Variants in OSBPL1A observed in about 807,000 individuals in gnomAD.
OSBPL1A encodes the protein oxysterol binding protein like 1A, also known as oxysterol-binding protein-related protein 1.
In OSBPL1A, 80 loss-of-function variants were observed where a neutral mutation model predicts 137.1. That is an observed-to-expected ratio of 0.58 (90% CI 0.49 to 0.70). The LOEUF (loss-of-function observed/expected upper bound fraction) is 0.70, where lower values mean the gene tolerates loss of function less well. OSBPL1A is among the 30% of genes least tolerant of loss of function. OSBPL1A has a pLI of 0.00. For synonymous variants in OSBPL1A, 365 were observed against 389.7 expected, an observed-to-expected ratio of 0.94 and a Z score of 0.75; for missense variants, 970 against 1,129.4, an observed-to-expected ratio of 0.86 and a Z score of 2.02.
chr18:24,364,201 T>A (rs150817436), intron 4 of OSBPL1A, among the ~76,000 whole-genome samples: 1 of 152,134 alleles, frequency 6.6e-6, no homozygotes, highest in African/African-American at 2.4e-5. Context: ...ACAAAAGAAC[T>A]GGAGTAGGAG....
chr18:24,385,792 C>T (rs900315020), intron 1 of OSBPL1A, among the ~76,000 whole-genome samples: 14 of 152,156 alleles, frequency 9.2e-5, no homozygotes, highest in Admixed American at 9.2e-4. Flanking sequence ...AAGGAGACTG[C>T]ACCAGACTCC....
chr18:24,295,597 G>T (rs955206255), intron 14 of OSBPL1A, among the ~76,000 whole-genome samples: 1 of 152,114 alleles, frequency 6.6e-6, no homozygotes, highest in African/African-American at 2.4e-5. Flanking sequence ...GCAGAGATGG[G>T]GATCCAGTTT....
chr18:24,272,252 TTTC>T (rs1451644794), intron 15 of OSBPL1A: 3 of 982,362 alleles, frequency 3.1e-6, no homozygotes, highest in Non-Finnish European at 3.6e-6. Context: ...TTTTTTCTTT[TTTC>T]TTTTTTTTTT....
intron 17 of OSBPL1A, among the ~76,000 whole-genome samples, chr18:24,201,671 G>A (rs1370260684): frequency 6.6e-6 from 1 of 152,116 alleles, no homozygotes; most frequent in African/African-American, 2.4e-5. Context: ...GCTGAGGCAG[G>A]AGAATCACTT....
At chr18:24,287,042 T>C (rs1036464193) in intron 14 of OSBPL1A, among the ~76,000 whole-genome samples, 1 of 152,166 alleles carries the variant, frequency 6.6e-6, no homozygotes, top group Non-Finnish European at 1.5e-5. Flanking sequence ...TTTAAAAATT[T>C]AGAAAAGAGT....
In OSBPL1A at chr18:24,235,904, T is replaced by A. The variant is rs2088455908; in HGVS notation, c.1444+3316A>T. ...GATTATACTGGATCATCTGAGTAGG[T>A]CCAACGTAATGCCATAGGTCTTTAT... On this transcript the variant is annotated intron_variant, in intron 16 of 27. Transcript: ENST00000319481. Among the ~76,000 whole-genome samples, 3 of 152,234 alleles carry A rather than the reference T, an allele frequency of 2.0e-5. No homozygotes were observed. In the South Asian group the frequency reaches 6.2e-4, roughly 32 times the overall value.
At chr18:24,198,286 T>C (rs2087098551) in intron 17 of OSBPL1A, among the ~76,000 whole-genome samples, 1 of 152,114 alleles carries the variant, frequency 6.6e-6, no homozygotes, top group African/African-American at 2.4e-5. Flanking sequence ...AACAAATATC[T>C]TGGAGGCAGA....
At chr18:24,382,636 G>A (rs1181165317) in intron 1 of OSBPL1A, among the ~76,000 whole-genome samples, 1 of 151,830 alleles carries the variant, frequency 6.6e-6, no homozygotes, top group Non-Finnish European at 1.5e-5. Context: ...TCAGCACTTT[G>A]GGAGGCCGAG....
At chr18:24,205,939 G>C (rs1483565700) in intron 17 of OSBPL1A, among the ~76,000 whole-genome samples, 2 of 152,202 alleles carry the variant, frequency 1.3e-5, no homozygotes, top group Non-Finnish European at 2.9e-5. Flanking sequence ...CACCCAGGCT[G>C]GAGTGTAGTG....
At chr18:24,174,786 T>G (rs1272978522) in intron 21 of OSBPL1A, among the ~76,000 whole-genome samples, 1 of 152,058 alleles carries the variant, frequency 6.6e-6, no homozygotes, top group South Asian at 2.1e-4. Flanking sequence ...TATTTATTTT[T>G]TTTTAGAGAT....
intron 17 of OSBPL1A, among the ~76,000 whole-genome samples, chr18:24,198,677 C>T (rs1490473161): frequency 6.6e-6 from 1 of 151,860 alleles, no homozygotes; most frequent in African/African-American, 2.4e-5. Flanking sequence ...AGCACACAAG[C>T]CATGGCTTAG....
At chr18:24,270,270 T>C (rs1355074672) in intron 15 of OSBPL1A, among the ~76,000 whole-genome samples, 1 of 152,238 alleles carries the variant, frequency 6.6e-6, no homozygotes, top group Non-Finnish European at 1.5e-5. Context: ...TGTTGCATAA[T>C]TATTTTCTCA....
intron 11 of OSBPL1A, among the ~76,000 whole-genome samples, 175 bp from the exon 12 acceptor site, chr18:24,314,522 C>T (rs1451557469): frequency 6.6e-6 from 1 of 152,148 alleles, no homozygotes; most frequent in African/African-American, 2.4e-5. Flanking sequence ...ATCAAATGCA[C>T]TGTAGAACTA....
At chr18:24,167,476 A>C (rs373060362) in intron 24 of OSBPL1A, 31 bp from the exon 25 acceptor site, 31 of 1,575,788 alleles carry the variant, frequency 2.0e-5, no homozygotes, top group Non-Finnish European at 2.7e-5. Flanking sequence ...ACAAAATTTA[A>C]GTAGAAAGTT....
intron 1 of OSBPL1A, among the ~76,000 whole-genome samples, chr18:24,386,692 G>A (rs1906981272): frequency 6.6e-6 from 1 of 152,184 alleles, no homozygotes; most frequent in Admixed American, 6.5e-5. Flanking sequence ...GGGCATGGTG[G>A]CTCATGTTTG....
At chr18:24,312,230 A>T in intron 12 of OSBPL1A, 124 bp from the exon 13 acceptor site, 1 of 1,109,838 alleles carries the variant, frequency 9.0e-7, no homozygotes, top group Non-Finnish European at 1.3e-6. Context: ...TCAAAAGGGA[A>T]AGCAAAGCAA....
At chr18:24,197,899 G>T (rs778920926) in intron 17 of OSBPL1A, among the ~76,000 whole-genome samples, 4 of 149,158 alleles carry the variant, frequency 2.7e-5, no homozygotes, top group Non-Finnish European at 4.4e-5. Context: ...CGATTCTCCT[G>T]TGTCAGCCTC....
chr18:24,321,572 A>G (rs2090858652), intron 7 of OSBPL1A: 2 of 430,296 alleles, frequency 4.6e-6, no homozygotes, highest in African/African-American at 2.1e-5. Context: ...TACAGGTGTG[A>G]GCTACTGTAC....
At chr18:24,207,212 T>C (rs1273610450) in intron 17 of OSBPL1A, among the ~76,000 whole-genome samples, 2 of 152,044 alleles carry the variant, frequency 1.3e-5, no homozygotes, top group African/African-American at 4.8e-5. Flanking sequence ...GCCTCCCGAG[T>C]AGCTGGGATT....
Sources: gnomAD v4.1 joint callset for allele counts (sites outside exome capture counted in the v4.1 genomes callset) on GRCh38, gnomAD v4.1.1 for gene constraint, MANE v1.5 for transcripts, NCBI Gene and HGNC (gene_info 2026-07-23, HGNC 2026-07-21) for gene names.